MACF1: variants seen among roughly 807,000 people sequenced by gnomAD.
MACF1 encodes the protein microtubule actin crosslinking factor 1.
A neutral mutation model predicts 854.8 loss-of-function variants in MACF1; 193 were observed. The ratio of observed to expected loss-of-function variants is 0.23; its 90% CI spans 0.20 to 0.25. The LOEUF is 0.25. MACF1 is among the 10% of genes least tolerant of loss of function. The pLI is 1.00. For synonymous variants in MACF1, 3,185 were observed against 3,226.7 expected, an observed-to-expected ratio of 0.99 and a Z score of 0.44; for missense variants, 7,722 against 8,929.1, an observed-to-expected ratio of 0.86 and a Z score of 5.45.
chr1:39,119,834 A>G (rs1412283235), intron 2 of MACF1, among the ~76,000 whole-genome samples: 3 of 151,284 alleles, frequency 2.0e-5, no homozygotes, highest in Non-Finnish European at 1.5e-5. Context: ...TGTTGCTATC[A>G]GATGGAGAAT....
intron 2 of MACF1, among the ~76,000 whole-genome samples, chr1:39,233,341 G>A (rs1373009589): frequency 6.6e-6 from 1 of 152,168 alleles, no homozygotes; most frequent in Non-Finnish European, 1.5e-5. Flanking sequence ...GCCAACCCAG[G>A]TCTTTCTTGT....
chr1:39,315,642 G>T lies in MACF1; in HGVS notation c.3400G>T (p.Val1134Leu), dbSNP rs1255780815. Residue 1134 changes from valine (V) to leucine (L), a missense_variant, in exon 27 of 101, where the codon GTG becomes TTG. Coordinates refer to ENST00000564288, the MANE Select transcript of MACF1 (RefSeq NM_001394062.1). Reference sequence around the variant, plus strand: ...TCTGCGCTCAGAACTGAATCTGCTGGTGGAGAAGATGGACCATGTCTATGG... The same window carrying T: ...TCTGCGCTCAGAACTGAATCTGCTGTTGGAGAAGATGGACCATGTCTATGG... ...PTLRSELNLL[V>L]EKMDHVYGLS... The T allele has an allele frequency of 6.2e-7, 1 of 1,614,120 alleles. No individual in the cohort carries two copies. The highest frequency in any genetic ancestry group is 2.2e-5 in the East Asian group (1 of 44,876).
chr1:39,301,646 C>T (rs1486772396), intron 22 of MACF1, among the ~76,000 whole-genome samples: 1 of 151,864 alleles, frequency 6.6e-6, no homozygotes, highest in Non-Finnish European at 1.5e-5. Flanking sequence ...AGGATGTTCT[C>T]GATCTCCTGA....
rs746988055 is a variant in MACF1, at chr1:39,455,100, A to G, written c.21075+3A>G. Reference sequence around the variant, plus strand: ...AAGCCCTTATCGCTGAGCATCAGGTATCTTAACCTCACTGTGTGATCACTG... The same window carrying G: ...AAGCCCTTATCGCTGAGCATCAGGTGTCTTAACCTCACTGTGTGATCACTG... On this transcript the variant is annotated splice_donor_region_variant and intron_variant, in intron 89 of 100. Transcript: ENST00000564288. 18 of 1,613,176 alleles carry G rather than the reference A, an allele frequency of 1.1e-5. No homozygotes were observed. Among genetic ancestry groups the G allele is most frequent in the Non-Finnish European group, 1.4e-5 (16 of 1,179,462 alleles).
In MACF1 at chr1:39,280,175, G is replaced by A. The variant is rs146832764; in HGVS notation, c.529-2033G>A. Among the ~76,000 whole-genome samples the A allele has an allele frequency of 2.6e-5, 4 of 151,890 alleles. No individual in the cohort carries two copies. In the East Asian group the frequency reaches 7.7e-4, roughly 29 times the overall value. ...GGCCTCCCAAAATGTTGGGATTATA[G>A]GTGTGAGCCACTGTGCCCAGCCCCC... On this transcript the variant is annotated intron_variant, in intron 6 of 100. Coordinates refer to ENST00000564288, the MANE Select transcript of MACF1 (RefSeq NM_001394062.1).
intron 2 of MACF1, among the ~76,000 whole-genome samples, chr1:39,246,507 GGTTTTT>G (rs890978742): frequency 3.9e-5 from 6 of 152,176 alleles, no homozygotes; most frequent in Admixed American, 1.3e-4. Flanking sequence ...TTGAGGGAGG[GGTTTTT>G]GTTTTTGTTT....
chr1:39,467,503 C>T (rs1430636238), intron 95 of MACF1, among the ~76,000 whole-genome samples: 4 of 152,108 alleles, frequency 2.6e-5, no homozygotes. Flanking sequence ...TTTTGTTGCT[C>T]CTTACTTCAT....
At chr1:39,483,333 A>T (rs1645050339) in intron 99 of MACF1, among the ~76,000 whole-genome samples, 1 of 152,040 alleles carries the variant, frequency 6.6e-6, no homozygotes, top group Admixed American at 6.5e-5. Flanking sequence ...CAGGGGAGAG[A>T]ATAGAAGTGT....
intron 49 of MACF1, among the ~76,000 whole-genome samples, chr1:39,362,123 T>A (rs1648238896): frequency 6.6e-6 from 1 of 152,206 alleles, no homozygotes; most frequent in Non-Finnish European, 1.5e-5. Flanking sequence ...GCTAGAAATA[T>A]TTGGTAAAAG....
At chr1:39,113,082 A>G (rs1260985480) in intron 2 of MACF1, among the ~76,000 whole-genome samples, 1 of 152,136 alleles carries the variant, frequency 6.6e-6, no homozygotes, top group African/African-American at 2.4e-5. Flanking sequence ...CATCATTTAC[A>G]TAACCTCTTC....
intron 97 of MACF1, among the ~76,000 whole-genome samples, chr1:39,478,237 A>G (rs753106633): frequency 5.9e-5 from 9 of 152,242 alleles, no homozygotes; most frequent in Non-Finnish European, 1.3e-4. Flanking sequence ...TCCTGGCCTC[A>G]GGTGATCTAC....
Position 39,453,762 on chromosome 1 carries a change from T to C in MACF1, c.20798T>C (p.Met6933Thr). 1 of 1,614,026 alleles carries C rather than the reference T, an allele frequency of 6.2e-7. No homozygotes were observed. The highest frequency in any genetic ancestry group is 8.5e-7 in the Non-Finnish European group (1 of 1,179,846). ...KRVDVNSAVA[M>T]GEVILAVCHP... ...GTGGACGTTAACTCAGCAGTAGCCATGGGAGAAGTCATCCTGGCTGTCTGC... is the reference window on the plus strand; with the variant it reads ...GTGGACGTTAACTCAGCAGTAGCCACGGGAGAAGTCATCCTGGCTGTCTGC... The change falls in exon 88 of 101, where the codon ATG (methionine) becomes ACG (threonine). Residue 6933 changes from methionine to threonine, a missense_variant. Met to Thr is a moderately conservative substitution (Grantham distance 81). Transcript: ENST00000564288.
In MACF1 at chr1:39,334,691, A is replaced by G; in HGVS notation, c.8103A>G (p.Arg2701=). The part of the protein sequence containing the change: ...GGIIDTATGK[R]LTLASALEEK... ...TCATAGATACTGCTACTGGAAAAAG[A>G]CTGACATTGGCATCAGCTTTGGAAG... Residue 2701 remains arginine, a synonymous_variant, in exon 37 of 101, where the codon AGA becomes AGG. Transcript: ENST00000564288. 1 of 1,614,142 alleles carries G rather than the reference A, an allele frequency of 6.2e-7. No individual in the cohort carries two copies. Among genetic ancestry groups the G allele is most frequent in the Non-Finnish European group, 8.5e-7 (1 of 1,180,000 alleles).
At chr1:39,398,674 T>C (rs1008057216) in intron 58 of MACF1, among the ~76,000 whole-genome samples, 4 of 152,178 alleles carry the variant, frequency 2.6e-5, no homozygotes, top group African/African-American at 4.8e-5. Context: ...CCTCTCCTTT[T>C]AAGAAAATTA....
chr1:39,254,013 TG>T (rs1645071249), intron 4 of MACF1: 2 of 354,766 alleles, frequency 5.6e-6, no homozygotes, highest in Non-Finnish European at 5.2e-6. Context: ...TGACTGCAGA[TG>T]AACCTGAACA....
intron 2 of MACF1, among the ~76,000 whole-genome samples, chr1:39,089,766 T>C (rs1048223062): frequency 6.6e-6 from 1 of 152,208 alleles, no homozygotes; most frequent in African/African-American, 2.4e-5. Flanking sequence ...ACTGCGGAGA[T>C]AACTGAATCT....
intron 40 of MACF1, among the ~76,000 whole-genome samples, chr1:39,344,624 C>T (rs1226664108): frequency 6.6e-6 from 1 of 152,148 alleles, no homozygotes; most frequent in Non-Finnish European, 1.5e-5. Flanking sequence ...TCTGCATGTG[C>T]AGTGACCTGC....
At chr1:39,363,838 C>T (rs1648429451) in intron 49 of MACF1, among the ~76,000 whole-genome samples, 1 of 152,094 alleles carries the variant, frequency 6.6e-6, no homozygotes, top group Admixed American at 6.6e-5. Flanking sequence ...TCTCAAACTC[C>T]TGACCTCAAG....
intron 2 of MACF1, among the ~76,000 whole-genome samples, chr1:39,120,540 T>A (rs772144699): frequency 4.6e-5 from 7 of 152,070 alleles, no homozygotes; most frequent in Admixed American, 1.3e-4. Flanking sequence ...AATTTGTGTA[T>A]TTTAGTAGAC....
Sources: gnomAD v4.1 joint callset for allele counts (sites outside exome capture counted in the v4.1 genomes callset) on GRCh38, gnomAD v4.1.1 for gene constraint, MANE v1.5 for transcripts, NCBI Gene and HGNC (gene_info 2026-07-23, HGNC 2026-07-21) for gene names.